The following SP6 variants were observed in gnomAD, a reference collection of about 807,000 sequenced individuals.
SP6 encodes transcription factor Sp6.
Under a neutral mutation model 23.4 loss-of-function variants are expected in SP6, and 10 were observed. The observed-to-expected ratio is 0.43, with a 90% CI of 0.26 to 0.72. The LOEUF (loss-of-function observed/expected upper bound fraction) is 0.72, where lower values mean the gene tolerates loss of function less well. Among genes scored for constraint, SP6 ranks in the 30% least tolerant of loss-of-function variants. SP6 has a pLI of 0.23. For missense variants in SP6, 482 were observed against 523.8 expected (o/e 0.92, Z 0.78); for synonymous variants, 238 against 238.7 (o/e 1.00, Z 0.03).
chr17:47,861,195 C>T, the SP6 span, among the ~76,000 whole-genome samples: 2 of 152,120 alleles, frequency 1.3e-5, no homozygotes, highest in African/African-American at 4.8e-5. Flanking sequence ...GCCGGTGGCT[C>T]AGGTGCTGGC....
At chr17:47,849,736 C>T (rs1230236677) in intron 1 of SP6, among the ~76,000 whole-genome samples, 8 of 152,212 alleles carry the variant, frequency 5.3e-5, no homozygotes, top group African/African-American at 1.4e-4. Flanking sequence ...ACCCTTAGAA[C>T]GCTAAAGACC....
Position 47,848,240 on chromosome 17 carries a change from A to AGAAGTCCACC in SP6, c.180_189dup (p.Ser64GlyfsTer8). On this transcript the variant is annotated frameshift_variant, in exon 2 of 2. Coordinates refer to ENST00000536300, the MANE Select transcript of SP6 (RefSeq NM_001258248.2). LOFTEE classifies it high-confidence loss of function. This position sits in a 1 kb window ranked among gnomAD's most constrained non-coding sequence, Gnocchi z 5.3. ...GCCCCTGGCAGCTCATAGCCCTGCGAGAAGTCCACCTCCGGGCCCAGCGGG... is the reference window on the plus strand; with the variant it reads ...GCCCCTGGCAGCTCATAGCCCTGCGAGAAGTCCACCGAAGTCCACCTCCGGGCCCAGCGGG... The AGAAGTCCACC allele has an allele frequency of 6.2e-7, 1 of 1,612,094 alleles. No homozygotes were observed. The highest frequency in any genetic ancestry group is 8.5e-7 in the Non-Finnish European group (1 of 1,179,142).
At chr17:47,873,881 C>G in the SP6 span, among the ~76,000 whole-genome samples, 2 of 141,160 alleles carry the variant, frequency 1.4e-5, no homozygotes, top group African/African-American at 5.0e-5. Flanking sequence ...CCTCCTCCCC[C>G]TCCTCTTCTT....
At chr17:47,863,464 A>G in the SP6 span, 1 of 152,142 alleles carries the variant, frequency 6.6e-6, no homozygotes, top group Non-Finnish European at 1.5e-5. Flanking sequence ...TAGATGAAGG[A>G]AGGAAGGGAA....
the SP6 span, among the ~76,000 whole-genome samples, chr17:47,875,668 G>A: frequency 6.6e-6 from 1 of 152,210 alleles, no homozygotes; most frequent in Non-Finnish European, 1.5e-5. Context: ...TCTTTTTCCT[G>A]AGATGGACAT....
At chr17:47,867,939 A>C in the SP6 span, among the ~76,000 whole-genome samples, 7 of 151,956 alleles carry the variant, frequency 4.6e-5, no homozygotes, top group African/African-American at 1.7e-4. Context: ...CCTCACAGGG[A>C]GATATAGTTC....
the SP6 span, chr17:47,864,865 A>T: frequency 6.6e-6 from 1 of 152,570 alleles, no homozygotes; most frequent in Non-Finnish European, 1.5e-5. Context: ...GGTGCCAGGT[A>T]AGGCTTCAGG....
At chr17:47,853,150 C>A (rs1433763977), upstream of SP6, among the ~76,000 whole-genome samples, 1 of 152,182 alleles carries the variant, frequency 6.6e-6, no homozygotes, top group South Asian at 2.1e-4. Context: ...TATTTGGAAG[C>A]CGGAGATGCC....
upstream of SP6, among the ~76,000 whole-genome samples, chr17:47,858,108 G>A (rs568459141): frequency 2.0e-5 from 3 of 151,768 alleles, no homozygotes; most frequent in Admixed American, 1.3e-4. Context: ...TCCTCCTCCC[G>A]CCCCTAGCTG....
the SP6 span, among the ~76,000 whole-genome samples, chr17:47,867,217 G>C: frequency 6.6e-6 from 1 of 152,192 alleles, no homozygotes; most frequent in Non-Finnish European, 1.5e-5. Context: ...TTAGATGCCA[G>C]AAGTACCTGC....
the SP6 span, among the ~76,000 whole-genome samples, chr17:47,871,621 C>CT: frequency 8.1e-3 from 1,154 of 142,458 alleles, 9 homozygotes; most frequent in Middle Eastern, 0.022. Flanking sequence ...CTGTTTCTTT[C>CT]TTTTTTTTTT....
Sources: gnomAD v4.1 joint callset for allele counts (sites outside exome capture counted in the v4.1 genomes callset) on GRCh38, gnomAD v4.1.1 for gene constraint, Gnocchi (gnomAD v3.1) non-coding constraint, MANE v1.5 for transcripts, NCBI Gene and HGNC (gene_info 2026-07-23, HGNC 2026-07-21) for gene names.